The following TMED10 variants were observed in gnomAD, a reference collection of about 807,000 sequenced individuals.
The protein encoded by TMED10 is transmembrane emp24 domain-containing protein 10.
Under a neutral mutation model 23.1 loss-of-function variants are expected in TMED10, and 7 were observed. That is an observed-to-expected ratio of 0.30 (90% CI 0.17 to 0.57). The LOEUF (loss-of-function observed/expected upper bound fraction) is 0.57. Ranked by LOEUF, TMED10 falls within the 20% of genes least tolerant of loss-of-function variation. TMED10 has a pLI of 0.91. For synonymous variants in TMED10, 113 were observed against 106.9 expected (o/e 1.06, Z -0.35); for missense variants, 162 against 274.8 (o/e 0.59, Z 2.90).
chr14:75,176,553 G>A lies in TMED10; in HGVS notation c.27C>T (p.Ala9=). The change falls in exon 1 of 5, where the codon GCC becomes GCT. Residue 9 remains alanine (A), a synonymous_variant. Coordinates refer to ENST00000303575, the MANE Select transcript of TMED10 (RefSeq NM_006827.6). ...ACGCTAACGGAAAAGGGCCGCGCCG[G>A]GCTGGTGGGCCAGACAAACCAGACA... MSGLSGPP[A]RRGPFPLALL... The A allele has an allele frequency of 6.2e-7, 1 of 1,614,166 alleles. No homozygotes were observed. Among genetic ancestry groups the A allele is most frequent in the East Asian group, 2.2e-5 (1 of 44,882 alleles).
At chr14:75,166,260 C>T (rs1284632583) in intron 1 of TMED10, among the ~76,000 whole-genome samples, 1 of 152,168 alleles carries the variant, frequency 6.6e-6, no homozygotes, top group Non-Finnish European at 1.5e-5. Flanking sequence ...AAGCAGATGA[C>T]ATCAACCTCC....
chr14:75,174,913 G>A (rs1046853824), intron 1 of TMED10, among the ~76,000 whole-genome samples: 4 of 151,724 alleles, frequency 2.6e-5, no homozygotes, highest in African/African-American at 9.7e-5. Context: ...GGTGGCTGGC[G>A]CCTGTAGTCC....
Position 75,134,556 on chromosome 14 carries a change from T to C in TMED10, c.*329A>G. 1 of 182,878 alleles carries C rather than the reference T, an allele frequency of 5.5e-6. No individual in the cohort carries two copies. Among genetic ancestry groups the C allele is most frequent in the South Asian group, 1.3e-4 (1 of 7,602 alleles). 11.3% of individuals were successfully genotyped at this position (182,878 alleles called of 1,614,324 possible). On this transcript the variant is annotated 3_prime_UTR_variant, in exon 5 of 5. Transcript: ENST00000303575. ...GCAAGTGGGAGAAGAAAAGAAAACA[T>C]AGTCCAAACAGATCACACAAGGGAA...
At chr14:75,146,061 T>A (rs1035311005) in intron 3 of TMED10, among the ~76,000 whole-genome samples, 9 of 152,168 alleles carry the variant, frequency 5.9e-5, no homozygotes, top group Non-Finnish European at 1.0e-4. Flanking sequence ...TTTAAAAAAA[T>A]TTTTCAATTT....
chr14:75,151,518 C>CT (rs1895955906), intron 2 of TMED10, among the ~76,000 whole-genome samples: 1 of 151,988 alleles, frequency 6.6e-6, no homozygotes, highest in African/African-American at 2.4e-5. Context: ...CATGCCCAGC[C>CT]TTTTTTTTAA....
Position 75,164,532 on chromosome 14 carries a change from AAT to A in TMED10, c.225+11821_225+11822del, listed in dbSNP as rs368412262. 1.8e-4 allele frequency among the ~76,000 whole-genome samples: 10 copies of A among 54,436 alleles called. No individual in the cohort carries two copies. The East Asian group carries it at 3.2e-3, about 18-fold the overall frequency. 35.7% of individuals were successfully genotyped at this position (54,436 alleles called of 152,430 possible). On this transcript the variant is annotated intron_variant, in intron 1 of 4. Coordinates refer to ENST00000303575, the MANE Select transcript of TMED10 (RefSeq NM_006827.6). ...AGGCGTGAGCCACTGCACCTGGCCT[AAT>A]ATATATATATATATATATATATATA...
chr14:75,135,695 T>C (rs534977472), intron 4 of TMED10, 65 bp downstream of exon 4: 1 of 1,584,596 alleles, frequency 6.3e-7, no homozygotes, highest in South Asian at 1.2e-5. Flanking sequence ...TACACCAGAA[T>C]TGAAAGTTTG....
Position 75,133,743 on chromosome 14 carries a change from A to C in TMED10, c.*1142T>G, listed in dbSNP as rs1233938342. The C allele has an allele frequency of 4.6e-5, 8 of 174,400 alleles. No individual in the cohort carries two copies. Among genetic ancestry groups the C allele is most frequent in the South Asian group, 2.1e-4 (2 of 9,728 alleles). 10.8% of individuals were successfully genotyped at this position (174,400 alleles called of 1,614,324 possible). A position where few individuals can be genotyped will look rare whatever the true frequency, so the allele number is the denominator to read the frequency against. On this transcript the variant is annotated 3_prime_UTR_variant, in exon 5 of 5. Coordinates refer to ENST00000303575, the MANE Select transcript of TMED10 (RefSeq NM_006827.6). ...TTTATTAGGGCAAAAAACTGAAAACAACTCTTATGTCCTTTAGTGGGTGAA... is the reference window on the plus strand; with the variant it reads ...TTTATTAGGGCAAAAAACTGAAAACCACTCTTATGTCCTTTAGTGGGTGAA...
intron 3 of TMED10, among the ~76,000 whole-genome samples, chr14:75,140,748 TAAAACAA>T (rs970872094): frequency 9.5e-4 from 144 of 152,032 alleles, no homozygotes; most frequent in African/African-American, 3.3e-3. Context: ...GTCAGTGGTT[TAAAACAA>T]AAAACAAAAA....
intron 1 of TMED10, among the ~76,000 whole-genome samples, chr14:75,166,627 C>G (rs1466476279): frequency 1.3e-5 from 2 of 152,128 alleles, no homozygotes. Context: ...TTAAATGAAG[C>G]AATGTATCCT....
At chr14:75,165,626 CT>C (rs980825623) in intron 1 of TMED10, among the ~76,000 whole-genome samples, 13 of 152,194 alleles carry the variant, frequency 8.5e-5, no homozygotes, top group African/African-American at 3.1e-4. Context: ...TGAATTTAAG[CT>C]GATCTTTTAA....
At position 75,147,662 on chromosome 14, in the gene TMED10, A is replaced by C. The variant is rs1594867603; in HGVS notation, c.411+2T>G. 1 of 1,613,934 alleles carries C rather than the reference A, an allele frequency of 6.2e-7. No homozygotes were observed. The highest frequency in any genetic ancestry group is 8.5e-7 in the Non-Finnish European group (1 of 1,179,940). ...TCCTCTGGCTGTTAGAGCAGGACAT[A>C]CCTCTTCGTAATTTTTCGCCTCCAC... On this transcript the variant is annotated splice_donor_variant, in intron 3 of 4. Transcript: ENST00000303575. LOFTEE classifies it high-confidence loss of function.
chr14:75,138,795 T>A (rs1895783807), intron 3 of TMED10, among the ~76,000 whole-genome samples: 2 of 146,156 alleles, frequency 1.4e-5, no homozygotes. Flanking sequence ...GCCTACTGAA[T>A]CCCACAGCCT....
intron 1 of TMED10, among the ~76,000 whole-genome samples, chr14:75,162,474 A>G (rs1896096963): frequency 6.6e-6 from 1 of 152,234 alleles, no homozygotes; most frequent in African/African-American, 2.4e-5. Flanking sequence ...TAAATAAGGA[A>G]GAGAGACAAA....
intron 2 of TMED10, among the ~76,000 whole-genome samples, chr14:75,151,064 T>C (rs1305350439): frequency 6.6e-6 from 1 of 151,280 alleles, no homozygotes; most frequent in East Asian, 2.0e-4. Flanking sequence ...CACCACCACA[T>C]CTGGCTAATT....
At chr14:75,137,161 C>T (rs1011394675) in intron 3 of TMED10, among the ~76,000 whole-genome samples, 1 of 151,488 alleles carries the variant, frequency 6.6e-6, no homozygotes, top group African/African-American at 2.4e-5. Context: ...CAGGCGTGCG[C>T]CACCACACCC....
rs907344584 is a variant in TMED10 at position 75,161,131 on chromosome 14, T to C, written c.226-8988A>G. Among the ~76,000 whole-genome samples the C allele has an allele frequency of 8.5e-5, 13 of 152,196 alleles. 1 individual carries two copies. The highest frequency in any genetic ancestry group is 7.2e-4 in the Admixed American group (11 of 15,278). On this transcript the variant is annotated intron_variant, in intron 1 of 4. Coordinates refer to ENST00000303575, the MANE Select transcript of TMED10 (RefSeq NM_006827.6). The stretch of plus-strand genomic sequence containing the variant: ...TATGTGAATACTCACACTGAGCCTG[T>C]GAGAAGTGCGAAAACAGGTAACTGG...
chr14:75,152,284 A>C (rs983533643), intron 1 of TMED10, 141 bp from the exon 2 acceptor site: 2 of 650,160 alleles, frequency 3.1e-6, no homozygotes, highest in Non-Finnish European at 5.1e-6. Flanking sequence ...CCATCCCCAA[A>C]GACAAAAACT....
intron 1 of TMED10, among the ~76,000 whole-genome samples, chr14:75,171,196 GGAA>G (rs147990412): frequency 0.036 from 5,494 of 152,084 alleles, 120 homozygotes; most frequent in Middle Eastern, 0.051. Flanking sequence ...GAGGAAGAGA[GGAA>G]GAAGGGGTGG....
Sources: allele counts gnomAD v4.1 joint callset (sites outside exome capture counted in the v4.1 genomes callset), GRCh38; gene constraint gnomAD v4.1.1; transcripts MANE v1.5; gene names NCBI Gene and HGNC (gene_info 2026-07-23, HGNC 2026-07-21).